Variants in OPRM1 observed in about 807,000 individuals in gnomAD.
OPRM1 encodes the protein mu-type opioid receptor.
A neutral mutation model predicts 31.8 loss-of-function variants in OPRM1; 27 were observed. That is an observed-to-expected ratio of 0.85 (90% CI 0.63 to 1.17). OPRM1 has a LOEUF of 1.17. OPRM1 is among the 50% of genes most tolerant of loss of function. OPRM1 has a pLI of 0.00. For synonymous variants in OPRM1, 196 were observed against 189.9 expected (o/e 1.03, Z -0.26); for missense variants, 536 against 511.1 (o/e 1.05, Z -0.47).
At chr6:154,048,173 C>T (rs770842190) in intron 1 of OPRM1, among the ~76,000 whole-genome samples, 3 of 152,198 alleles carry the variant, frequency 2.0e-5, no homozygotes, top group Non-Finnish European at 2.9e-5. Context: ...CACTCATATT[C>T]ACTGAAAACC....
intron 1 of OPRM1, among the ~76,000 whole-genome samples, chr6:154,077,086 A>C (rs1271429738): frequency 6.6e-6 from 1 of 152,162 alleles, no homozygotes; most frequent in Non-Finnish European, 1.5e-5. Context: ...CCATATTTTC[A>C]GTCTTCATGC....
chr6:154,217,537 C>G (rs1250630898), intron 3 of OPRM1: 1 of 151,552 alleles, frequency 6.6e-6, no homozygotes, highest in Non-Finnish European at 1.5e-5. Context: ...CACACACACA[C>G]AAAAAAAGTG....
In OPRM1 at chr6:154,148,097, A is replaced by G. The variant is rs556628207; in HGVS notation, c.1164+56625A>G. On this transcript the variant is annotated intron_variant, in intron 3 of 3. Coordinates refer to the OPRM1 transcript ENST00000337049. ...GCCAACAGCTTCTGAATGGAAAAGC[A>G]TGTGAAAGAACCACATGATCCCATG... 4.1e-4 allele frequency among the ~76,000 whole-genome samples: 63 copies of G among 152,344 alleles called. 1 individual carries two copies. Among genetic ancestry groups the G allele is most frequent in the Non-Finnish European group, 2.4e-4 (16 of 68,030 alleles).
At chr6:154,201,847 A>G (rs1172597609) in intron 3 of OPRM1, among the ~76,000 whole-genome samples, 1 of 152,224 alleles carries the variant, frequency 6.6e-6, no homozygotes, top group Non-Finnish European at 1.5e-5. Context: ...GTGAGCCAAG[A>G]TCACATGATT....
intron 1 of OPRM1, among the ~76,000 whole-genome samples, chr6:154,028,406 A>C (rs1468919637): frequency 5.3e-5 from 8 of 152,056 alleles, no homozygotes; most frequent in Non-Finnish European, 1.2e-4. Context: ...GAGAAAAGGG[A>C]TCTCTCTTGG....
rs1291264193 is a variant in OPRM1 at position 154,127,575 on chromosome 6, C to G, written c.*8854C>G. On this transcript the variant is annotated 3_prime_UTR_variant, in exon 4 of 4. Coordinates refer to ENST00000330432, the MANE Select transcript of OPRM1 (RefSeq NM_000914.5). Reference sequence around the variant, plus strand: ...GTCCACACCACCAATTGAGATGTACCTGTGCTCATGACTTGACATTGTGGT... The same window carrying G: ...GTCCACACCACCAATTGAGATGTACGTGTGCTCATGACTTGACATTGTGGT... Among the ~76,000 whole-genome samples the G allele has an allele frequency of 6.6e-6, 1 of 152,216 alleles. No homozygotes were observed. The highest frequency in any genetic ancestry group is 1.5e-5 in the Non-Finnish European group (1 of 68,040).
intron 1 of OPRM1, among the ~76,000 whole-genome samples, chr6:154,040,642 G>C (rs749472615): frequency 1.3e-5 from 2 of 152,196 alleles, no homozygotes; most frequent in Non-Finnish European, 2.9e-5. Flanking sequence ...ACAAGTTGGA[G>C]CTAATTAGGA....
intron 3 of OPRM1, among the ~76,000 whole-genome samples, chr6:154,190,060 T>A (rs1317559429): frequency 2.0e-5 from 3 of 152,164 alleles, no homozygotes; most frequent in Non-Finnish European, 2.9e-5. Context: ...CAATAATGTA[T>A]CATCAAACTG....
rs1206163406 is a variant in OPRM1 at position 154,221,344 on chromosome 6, G to C, written c.1165-25349G>C. Reference sequence around the variant, plus strand: ...CTTAAAAGCACTTGAAGGAGGAAAAGCACAAACACATAAAAAATTAGTGTT... The same window carrying C: ...CTTAAAAGCACTTGAAGGAGGAAAACCACAAACACATAAAAAATTAGTGTT... On this transcript the variant is annotated intron_variant, in intron 3 of 3. Coordinates refer to the OPRM1 transcript ENST00000337049. The C allele has an allele frequency of 2.5e-6, 4 of 1,609,334 alleles. No homozygotes were observed. In the South Asian group the frequency reaches 4.4e-5, roughly 18 times the overall value.
At chr6:154,110,957 AC>A (rs1490999796) in intron 3 of OPRM1, among the ~76,000 whole-genome samples, 12 of 151,414 alleles carry the variant, frequency 7.9e-5, no homozygotes, top group Non-Finnish European at 1.6e-4. Context: ...CACCATTCAG[AC>A]TCCAGGGCCA....
chr6:154,024,382 T>A (rs1490886031), intron 1 of OPRM1, among the ~76,000 whole-genome samples: 5 of 152,120 alleles, frequency 3.3e-5, no homozygotes, highest in African/African-American at 1.2e-4. Context: ...TCAGTTCTAA[T>A]GTCTTCTCTT....
intron 3 of OPRM1, among the ~76,000 whole-genome samples, chr6:154,143,737 G>A (rs1040359254): frequency 6.6e-5 from 10 of 152,160 alleles, no homozygotes; most frequent in African/African-American, 2.2e-4. Flanking sequence ...GGCAAGTTTG[G>A]TCCTAAAACA....
intron 3 of OPRM1, among the ~76,000 whole-genome samples, chr6:154,100,303 A>ATATTATG (rs1583546830): frequency 6.7e-6 from 1 of 148,800 alleles, no homozygotes; most frequent in Admixed American, 6.7e-5. Context: ...ATATATCAAA[A>ATATTATG]AGTCACAGAG....
At chr6:154,107,684 G>C in intron 3 of OPRM1, 2 of 718,488 alleles carry the variant, frequency 2.8e-6, no homozygotes, top group Non-Finnish European at 5.2e-6. Context: ...AGGTACTGCC[G>C]TGTGGTTAAA....
chr6:154,231,144 T>C (rs936984035), intron 3 of OPRM1, among the ~76,000 whole-genome samples: 3 of 152,234 alleles, frequency 2.0e-5, no homozygotes, highest in Non-Finnish European at 2.9e-5. Flanking sequence ...CAGTTGTCTC[T>C]AGATTCTCAC....
intron 3 of OPRM1, among the ~76,000 whole-genome samples, chr6:154,096,977 T>A (rs1316384212): frequency 6.6e-6 from 1 of 152,240 alleles, no homozygotes; most frequent in Non-Finnish European, 1.5e-5. Context: ...TACCTTCATC[T>A]CCAAAGTAGC....
At chr6:154,056,609 T>C (rs1783351945) in intron 1 of OPRM1, among the ~76,000 whole-genome samples, 1 of 151,668 alleles carries the variant, frequency 6.6e-6, no homozygotes, top group Admixed American at 6.6e-5. Flanking sequence ...AATCTTACGG[T>C]GCCCTTGAAA....
intron 3 of OPRM1, among the ~76,000 whole-genome samples, chr6:154,111,083 T>C (rs1796312161): frequency 6.6e-6 from 1 of 152,144 alleles, no homozygotes; most frequent in East Asian, 1.9e-4. Flanking sequence ...ATATGGCAGA[T>C]CAAGTCTGGA....
chr6:154,062,410 T>C (rs1192364950), intron 1 of OPRM1, among the ~76,000 whole-genome samples: 1 of 152,128 alleles, frequency 6.6e-6, no homozygotes, highest in Non-Finnish European at 1.5e-5. Flanking sequence ...ATAACCTGTA[T>C]TGCACTATAA....
Sources: gnomAD v4.1 joint callset for allele counts (sites outside exome capture counted in the v4.1 genomes callset) on GRCh38, gnomAD v4.1.1 for gene constraint, MANE v1.5 for transcripts, NCBI Gene and HGNC (gene_info 2026-07-23, HGNC 2026-07-21) for gene names.